The following RIPPLY2 variants were observed in gnomAD, a reference collection of about 807,000 sequenced individuals.
RIPPLY2 encodes protein ripply2.
In RIPPLY2, 20 loss-of-function variants were observed where a neutral mutation model predicts 17.7. That is an observed-to-expected ratio of 1.13 (90% CI 0.79 to 1.64). The LOEUF is 1.64. RIPPLY2 is among the 40% of genes most tolerant of loss of function. The probability of loss-of-function intolerance (pLI) is 0.00; values close to 1 mark genes in which losing one functional copy is unlikely to be tolerated. For missense variants in RIPPLY2, 213 were observed against 169.8 expected (o/e 1.25, Z -1.41); for synonymous variants, 69 against 63.9 (o/e 1.08, Z -0.38).
Position 83,853,743 on chromosome 6 carries a change from AGAG to A in RIPPLY2, c.148_150del (p.Glu50del). The A allele has an allele frequency of 6.2e-7, 1 of 1,613,582 alleles. No individual in the cohort carries two copies. The highest frequency in any genetic ancestry group is 8.5e-7 in the Non-Finnish European group (1 of 1,179,912). ...GGGTGGACGCCGGAGGCAAGAAAGAAGAGGAGACGCCGAACCACGCCGCGGAGG... is the reference window on the plus strand; with the variant it reads ...GGGTGGACGCCGGAGGCAAGAAAGAAGAGACGCCGAACCACGCCGCGGAGG... On this transcript the variant is annotated inframe_deletion, in exon 2 of 4. Coordinates refer to ENST00000369689, the MANE Select transcript of RIPPLY2 (RefSeq NM_001009994.3).
In RIPPLY2 at chr6:83,853,725, C is replaced by T; in HGVS notation, c.126C>T (p.Asp42=). 1 of 1,613,746 alleles carries T rather than the reference C, an allele frequency of 6.2e-7. No homozygotes were observed. Among genetic ancestry groups the T allele is most frequent in the Non-Finnish European group, 8.5e-7 (1 of 1,179,950 alleles). Residue 42 remains aspartate, a synonymous_variant, in exon 2 of 4, where the codon GAC becomes GAT. Coordinates refer to ENST00000369689, the MANE Select transcript of RIPPLY2 (RefSeq NM_001009994.3). ...CAGGCTTCTGGAGACCCTGGGTGGA[C>T]GCCGGAGGCAAGAAAGAAGAGGAGA... ...GYAGFWRPWV[D]AGGKKEEETP...
chr6:83,857,080 C>A, intron 3 of RIPPLY2, 162 bp from the exon 4 acceptor site: 2 of 405,240 alleles, frequency 4.9e-6, no homozygotes, highest in East Asian at 3.7e-5. Context: ...AGGTAGATTC[C>A]ATGAAGGCTG....
rs1416539067 is a variant in RIPPLY2 at position 83,853,684 on chromosome 6, C to T, written c.96-11C>T. 3.1e-6 allele frequency: 5 copies of T among 1,613,028 alleles called. No individual in the cohort carries two copies. Among genetic ancestry groups the T allele is most frequent in the Non-Finnish European group, 4.2e-6 (5 of 1,179,596 alleles). The stretch of plus-strand genomic sequence containing the variant: ...TCTCCTCTGCGCGCCTTGTGCTCCC[C>T]TATCCCGCAGATACGCAGGCTTCTG... On this transcript the variant is annotated splice_polypyrimidine_tract_variant and intron_variant, in intron 1 of 3. Transcript: ENST00000369689.
chr6:83,853,972 G>A (rs1288722202), intron 2 of RIPPLY2, 125 bp from the exon 3 acceptor site: 29 of 1,092,840 alleles, frequency 2.7e-5, no homozygotes, highest in Non-Finnish European at 4.0e-5. Context: ...CACCCAGCCG[G>A]GAGCGAGGCT....
chr6:83,853,970 CG>C (rs2099454606), intron 2 of RIPPLY2, 126 bp from the exon 3 acceptor site: 1 of 1,084,748 alleles, frequency 9.2e-7, no homozygotes, highest in African/African-American at 1.5e-5. Flanking sequence ...GGCACCCAGC[CG>C]GGAGCGAGGC....
rs762624030 is a variant in RIPPLY2, at chr6:83,853,535, C to A, written c.95+24C>A. ...GGGTAGGCTTCCCCGCGCTGCTCTG[C>A]GCCTCCCAGCTTCCCCCGTCTCTCC... On this transcript the variant is annotated intron_variant, in intron 1 of 3. Coordinates refer to ENST00000369689, the MANE Select transcript of RIPPLY2 (RefSeq NM_001009994.3). The A allele has an allele frequency of 2.7e-4, 407 of 1,535,292 alleles. No individual in the cohort carries two copies. In the Middle Eastern group the frequency reaches 6.6e-3, roughly 25 times the overall value.
chr6:83,856,545 C>A (rs933296912), intron 3 of RIPPLY2: 2 of 152,088 alleles, frequency 1.3e-5, no homozygotes, highest in African/African-American at 4.8e-5. Flanking sequence ...TACTTACATG[C>A]CAGTTATTTG....
rs2099454572 is a variant in RIPPLY2, at chr6:83,853,775, T to C, written c.174+2T>C. On this transcript the variant is annotated splice_donor_variant, in intron 2 of 3. Transcript: ENST00000369689. LOFTEE classifies it high-confidence loss of function. ...ACGCCGAACCACGCCGCGGAGGCGGTGAGTGAGCCACGCGTCTCAGGCCGC... is the reference window on the plus strand; with the variant it reads ...ACGCCGAACCACGCCGCGGAGGCGGCGAGTGAGCCACGCGTCTCAGGCCGC... The C allele has an allele frequency of 1.9e-6, 3 of 1,611,392 alleles. No individual in the cohort carries two copies. The highest frequency in any genetic ancestry group is 2.5e-6 in the Non-Finnish European group (3 of 1,179,176).
At chr6:83,853,810 G>T in intron 2 of RIPPLY2, 37 bp downstream of exon 2, 1 of 1,569,622 alleles carries the variant, frequency 6.4e-7, no homozygotes, top group Non-Finnish European at 8.7e-7. Context: ...CGCCTCCCAC[G>T]GGTGCAGAAG....
chr6:83,853,753 C>G lies in RIPPLY2; in HGVS notation c.154C>G (p.Pro52Ala), dbSNP rs745478007. 1.2e-6 allele frequency: 2 copies of G among 1,613,154 alleles called. No individual in the cohort carries two copies. The highest frequency in any genetic ancestry group is 1.1e-5 in the South Asian group (1 of 90,950). ...CGGAGGCAAGAAAGAAGAGGAGACG[C>G]CGAACCACGCCGCGGAGGCGGTGAG... ...DAGGKKEEET[P>A]NHAAEAMPDG... Residue 52 changes from proline (P) to alanine (A), a missense_variant, in exon 2 of 4, where the codon CCG becomes GCG. Pro to Ala is a conservative substitution (Grantham distance 27). Coordinates refer to ENST00000369689, the MANE Select transcript of RIPPLY2 (RefSeq NM_001009994.3).
chr6:83,857,126 T>C (rs2129125778), intron 3 of RIPPLY2, 116 bp from the exon 4 acceptor site: 2 of 589,758 alleles, frequency 3.4e-6, no homozygotes, highest in Non-Finnish European at 2.8e-6. Context: ...ATCTTAAGGC[T>C]ATATCCAAAT....
chr6:83,856,735 T>C (rs922599101), intron 3 of RIPPLY2: 2 of 152,142 alleles, frequency 1.3e-5, no homozygotes, highest in Non-Finnish European at 2.9e-5. Flanking sequence ...AAACTTACGT[T>C]GTCTACTTCT....
intron 1 of RIPPLY2, 38 bp downstream of exon 1, chr6:83,853,549 C>T (rs572797604): frequency 1.3e-6 from 2 of 1,535,722 alleles, no homozygotes; most frequent in Non-Finnish European, 8.7e-7. Flanking sequence ...TCCCAGCTTC[C>T]CCCGTCTCTC....
chr6:83,853,895 C>T lies in RIPPLY2; in HGVS notation c.174+122C>T. 3.8e-6 allele frequency: 4 copies of T among 1,051,486 alleles called. No homozygotes were observed. In the East Asian group the frequency reaches 7.6e-5, roughly 20 times the overall value. 65.1% of individuals were successfully genotyped at this position (1,051,486 alleles called of 1,614,324 possible). A position where few individuals can be genotyped will look rare whatever the true frequency, so the allele number is the denominator to read the frequency against. On this transcript the variant is annotated intron_variant, in intron 2 of 3. Coordinates refer to ENST00000369689, the MANE Select transcript of RIPPLY2 (RefSeq NM_001009994.3). The stretch of plus-strand genomic sequence containing the variant: ...CCGGGTCCTGCCTCTCGCTTAACAT[C>T]CCGCCTGCCGGTGGCCATAAAGGTG...
At chr6:83,854,217 AG>A in intron 3 of RIPPLY2, 56 bp downstream of exon 3, 1 of 1,396,380 alleles carries the variant, frequency 7.2e-7, no homozygotes, top group Non-Finnish European at 1.0e-6. Flanking sequence ...GGGAGGAGCC[AG>A]GGGCATCGCG....
At chr6:83,853,233 C>G (rs1373559635), upstream of RIPPLY2, 19 of 573,936 alleles carry the variant, frequency 3.3e-5, no homozygotes, top group Admixed American at 5.0e-4. Context: ...GGGCTCAGCC[C>G]GGTGCGCCTT....
chr6:83,855,608 T>C (rs2099454875), intron 3 of RIPPLY2: 1 of 152,198 alleles, frequency 6.6e-6, no homozygotes, highest in South Asian at 2.1e-4. Context: ...TTTCCACTTA[T>C]CATATTTAAT....
intron 2 of RIPPLY2, 137 bp from the exon 3 acceptor site, chr6:83,853,960 G>A (rs2099454603): frequency 3.9e-6 from 4 of 1,035,328 alleles, no homozygotes; most frequent in South Asian, 1.4e-5. Context: ...ATGGGCCACA[G>A]GCACCCAGCC....
chr6:83,853,632 G>A (rs920622854), intron 1 of RIPPLY2, 63 bp from the exon 2 acceptor site: 68 of 1,576,132 alleles, frequency 4.3e-5, no homozygotes, highest in Admixed American at 4.2e-4. Context: ...CTCGGCTTCG[G>A]TGGATTCTCC....
Sources: allele counts gnomAD v4.1 joint callset, GRCh38; gene constraint gnomAD v4.1.1; transcripts MANE v1.5; gene names NCBI Gene and HGNC (gene_info 2026-07-23, HGNC 2026-07-21).